Variants in ERCC3 observed in about 807,000 individuals in gnomAD.
The protein encoded by ERCC3 is ERCC excision repair 3, TFIIH core complex helicase subunit, also known as general transcription and DNA repair factor IIH helicase/translocase subunit XPB.
A neutral mutation model predicts 94.2 loss-of-function variants in ERCC3; 66 were observed. That is an observed-to-expected ratio of 0.70 (90% confidence interval 0.57 to 0.86). ERCC3 has a LOEUF of 0.86. Ranked by LOEUF, ERCC3 falls within the 40% of genes least tolerant of loss-of-function variation. ERCC3 has a pLI of 0.00. For missense variants in ERCC3, 829 were observed against 987.1 expected (o/e 0.84, Z 2.15); for synonymous variants, 349 against 369.1 (o/e 0.95, Z 0.63).
At position 127,257,465 on chromosome 2, in the gene ERCC3, C is replaced by T. The variant is rs1028706870; in HGVS notation, c.*131G>A. ...TGAAGGCACAGCCAAGCCCTTGATG[C>T]ATCTTCCTCAGCACAATTTGGCCAA... On this transcript the variant is annotated 3_prime_UTR_variant, in exon 15 of 15. Transcript: ENST00000285398. The surrounding 1 kb of genome is among the most constrained non-coding windows in gnomAD (Gnocchi z 5.4). The T allele has an allele frequency of 1.8e-6, 2 of 1,102,938 alleles. No individual in the cohort carries two copies. Among genetic ancestry groups the T allele is most frequent in the African/African-American group, 1.5e-5 (1 of 65,096 alleles). The allele number at this position is 1,102,938 out of a possible 1,614,324, so 68.3% of individuals were successfully genotyped here. A position where few individuals can be genotyped will look rare whatever the true frequency, so the allele number is the denominator to read the frequency against.
chr2:127,280,552 A>AT lies in ERCC3; in HGVS notation c.1421dup (p.Asp474GlufsTer2), dbSNP rs587778281. 159 of 1,614,100 alleles carry AT rather than the reference A, an allele frequency of 9.9e-5. No homozygotes were observed. Among genetic ancestry groups the AT allele is most frequent in the Non-Finnish European group, 1.3e-4 (152 of 1,180,036 alleles). On this transcript the variant is annotated frameshift_variant, in exon 9 of 15. Coordinates refer to ENST00000285398, the MANE Select transcript of ERCC3 (RefSeq NM_000122.2). LOFTEE classifies it high-confidence loss of function. This position sits in a 1 kb window ranked among gnomAD's most constrained non-coding sequence, Gnocchi z 6.3. ...GAAAATTTAAATCCACAATTTTGTC[A>AT]TCTTCGCGGACGAGGGTCGCAGTCA...
intron 8 of ERCC3, among the ~76,000 whole-genome samples, chr2:127,285,829 C>A (rs895877598): frequency 1.3e-5 from 2 of 149,948 alleles, no homozygotes; most frequent in African/African-American, 4.9e-5. Context: ...CCAGCCTGGG[C>A]AACAAAGCAA....
rs1684128708 is a variant in ERCC3, at chr2:127,259,520, G to A, written c.2065-72C>T. On this transcript the variant is annotated intron_variant, in intron 13 of 14. Coordinates refer to ENST00000285398, the MANE Select transcript of ERCC3 (RefSeq NM_000122.2). The surrounding 1 kb of genome is among the most constrained non-coding windows in gnomAD (Gnocchi z 4.9). Reference sequence around the variant, plus strand: ...CCAGCCCTCCTCTGCCTTCTCCTGGGTCCACCTGCTTTGGTCACTTCCCTC... The same window carrying A: ...CCAGCCCTCCTCTGCCTTCTCCTGGATCCACCTGCTTTGGTCACTTCCCTC... 4.4e-6 allele frequency: 7 copies of A among 1,599,682 alleles called. No homozygotes were observed. In the South Asian group the frequency reaches 7.7e-5, roughly 18 times the overall value.
rs1228650685 is a variant in ERCC3, at chr2:127,259,938, G to A, written c.2065-490C>T. The A allele has an allele frequency of 4.4e-6, 1 of 229,732 alleles. No individual in the cohort carries two copies. The highest frequency in any genetic ancestry group is 2.3e-5 in the African/African-American group (1 of 44,070). 14.2% of individuals were successfully genotyped at this position (229,732 alleles called of 1,614,324 possible). On this transcript the variant is annotated intron_variant, in intron 13 of 14. Coordinates refer to ENST00000285398, the MANE Select transcript of ERCC3 (RefSeq NM_000122.2). The surrounding 1 kb of genome is among the most constrained non-coding windows in gnomAD (Gnocchi z 4.9). ...GGATATCAGGAAGATTATTTATAGAGCTTCTCTGAGAGAGTAAGAACAGCA... is the reference window on the plus strand; with the variant it reads ...GGATATCAGGAAGATTATTTATAGAACTTCTCTGAGAGAGTAAGAACAGCA...
chr2:127,264,595 ATTTGAT>A lies in ERCC3; in HGVS notation c.1946-3255_1946-3250del, dbSNP rs1558948628. ...ACTTTGCATCCCAGAAGTAAAGCCT[ATTTGAT>A]TGTGGTGAATTAACTTTTTGATATG... On this transcript the variant is annotated intron_variant, in intron 12 of 14. Coordinates refer to ENST00000285398, the MANE Select transcript of ERCC3 (RefSeq NM_000122.2). The surrounding 1 kb of genome is among the most constrained non-coding windows in gnomAD (Gnocchi z 4.4). Among the ~76,000 whole-genome samples, 1 of 152,154 alleles carries A rather than the reference ATTTGAT, an allele frequency of 6.6e-6. No homozygotes were observed. Among genetic ancestry groups the A allele is most frequent in the Non-Finnish European group, 1.5e-5 (1 of 68,014 alleles).
In ERCC3 at chr2:127,280,633, T is replaced by C; in HGVS notation, c.1343-2A>G. On this transcript the variant is annotated splice_acceptor_variant, in intron 8 of 14. Transcript: ENST00000285398. LOFTEE classifies it high-confidence loss of function. This position sits in a 1 kb window ranked among gnomAD's most constrained non-coding sequence, Gnocchi z 6.3. ...TGAGCACCCTTCGGAACATCTTGGC[T>C]GAGGAAACAATGGGAGCATTCACAC... is the stretch of plus-strand genomic sequence containing the variant. 1 of 1,613,792 alleles carries C rather than the reference T, an allele frequency of 6.2e-7. No individual in the cohort carries two copies. Among genetic ancestry groups the C allele is most frequent in the Non-Finnish European group, 8.5e-7 (1 of 1,179,778 alleles).
intron 12 of ERCC3, among the ~76,000 whole-genome samples, chr2:127,269,444 T>C (rs1235341351): frequency 1.4e-5 from 2 of 139,976 alleles, no homozygotes; most frequent in African/African-American, 5.5e-5. Flanking sequence ...TTTTTTGAGA[T>C]GGAGTCTTGC....
At position 127,272,956 on chromosome 2, in the gene ERCC3, T is replaced by C. The variant is rs745446062; in HGVS notation, c.1736A>G (p.Tyr579Cys). ...KEYAIRLNKP[Y>C]IYGPTSQGER... ...CCCCTGAGACGTAGGTCCGTAGATA[T>C]AGGGTCTAGAGAAGAATGAAGCTGT... Residue 579 changes from tyrosine (Y) to cysteine (C), a missense_variant, in exon 11 of 15, where the codon TAT becomes TGT. Coordinates refer to ENST00000285398, the MANE Select transcript of ERCC3 (RefSeq NM_000122.2). 1.2e-6 allele frequency: 2 copies of C among 1,600,910 alleles called. No homozygotes were observed. Among genetic ancestry groups the C allele is most frequent in the South Asian group, 1.1e-5 (1 of 90,808 alleles).
rs765557086 is a variant in ERCC3 at position 127,259,291 on chromosome 2, C to T, written c.2217+5G>A. The stretch of plus-strand genomic sequence containing the variant: ...CACCTGGAACCTCCTCACCCATTTA[C>T]TCACCTGGCTGGATCTGGAGCCAAA... On this transcript the variant is annotated splice_donor_5th_base_variant and intron_variant, in intron 14 of 14. Coordinates refer to ENST00000285398, the MANE Select transcript of ERCC3 (RefSeq NM_000122.2). This position sits in a 1 kb window ranked among gnomAD's most constrained non-coding sequence, Gnocchi z 4.9. 2 of 1,614,198 alleles carry T rather than the reference C, an allele frequency of 1.2e-6. No individual in the cohort carries two copies. Among genetic ancestry groups the T allele is most frequent in the South Asian group, 1.1e-5 (1 of 91,074 alleles).
At chr2:127,293,855 A>G in intron 1 of ERCC3, 137 bp from the exon 2 acceptor site, 1 of 1,558,982 alleles carries the variant, frequency 6.4e-7, no homozygotes, top group Non-Finnish European at 8.6e-7. Flanking sequence ...TGCGCCCCTC[A>G]CCCGTCTCCC....
chr2:127,281,786 C>T (rs572395022), intron 8 of ERCC3, among the ~76,000 whole-genome samples: 1 of 152,020 alleles, frequency 6.6e-6, no homozygotes, highest in Admixed American at 6.6e-5. Flanking sequence ...CACACACACA[C>T]AACACAGAAA....
At chr2:127,292,944 C>A in intron 2 of ERCC3, 98 bp from the exon 3 acceptor site, 2 of 783,156 alleles carry the variant, frequency 2.6e-6, no homozygotes, top group Admixed American at 3.8e-5. Context: ...ATAAGCTGCC[C>A]AACACCACAG....
intron 13 of ERCC3, chr2:127,260,856 T>C (rs990462039): frequency 1.8e-4 from 43 of 234,044 alleles, no homozygotes; most frequent in Non-Finnish European, 3.1e-4. Flanking sequence ...AATACCTGAT[T>C]TGTAGTACAG....
At chr2:127,268,486 C>T (rs1240118982) in intron 12 of ERCC3, among the ~76,000 whole-genome samples, 2 of 152,110 alleles carry the variant, frequency 1.3e-5, no homozygotes, top group African/African-American at 4.8e-5. Context: ...TGGTCTCAAA[C>T]TCCTGAGTTC....
intron 12 of ERCC3, among the ~76,000 whole-genome samples, chr2:127,270,644 G>A (rs1684518524): frequency 6.6e-6 from 1 of 152,206 alleles, no homozygotes; most frequent in Non-Finnish European, 1.5e-5. Context: ...GACTCCTTGA[G>A]GATAGGGCTT....
intron 8 of ERCC3, among the ~76,000 whole-genome samples, chr2:127,281,838 G>A (rs1479809442): frequency 6.6e-6 from 1 of 152,038 alleles, no homozygotes; most frequent in African/African-American, 2.4e-5. Flanking sequence ...AGACTGTGCT[G>A]GCTCCAAAAT....
intron 12 of ERCC3, among the ~76,000 whole-genome samples, chr2:127,267,701 G>A (rs1684418291): frequency 6.6e-6 from 1 of 152,044 alleles, no homozygotes; most frequent in Admixed American, 6.6e-5. Context: ...AGGGTCTGTG[G>A]GCTATGTGCT....
intron 12 of ERCC3, chr2:127,262,948 TGTTGAACATCA>T (rs1684240770): frequency 1.3e-5 from 2 of 152,212 alleles, no homozygotes; most frequent in Non-Finnish European, 2.9e-5. Context: ...TTGCCAATTT[TGTTGAACATCA>T]GTTGGCTGCA....
intron 12 of ERCC3, chr2:127,262,392 C>G (rs1684214682): frequency 6.6e-6 from 1 of 152,286 alleles, no homozygotes; most frequent in South Asian, 2.1e-4. Flanking sequence ...ACGCGGGAGG[C>G]TGAGGCAGGA....
Sources: gnomAD v4.1 joint callset for allele counts (sites outside exome capture counted in the v4.1 genomes callset) on GRCh38, gnomAD v4.1.1 for gene constraint, Gnocchi (gnomAD v3.1) non-coding constraint, MANE v1.5 for transcripts, NCBI Gene and HGNC (gene_info 2026-07-23, HGNC 2026-07-21) for gene names.